The following SNX29 variants were observed in gnomAD, a reference collection of about 807,000 sequenced individuals.
SNX29 encodes the protein sorting nexin 29.
SNX29 carries 78 observed loss-of-function variants against 102.1 expected under a neutral mutation model. The ratio of observed to expected loss-of-function variants is 0.76; its 90% CI spans 0.64 to 0.92. The LOEUF is 0.92. SNX29 is among the 40% of genes least tolerant of loss of function. The pLI is 0.00. For missense variants in SNX29, 1,280 were observed against 1,061.7 expected (o/e 1.21, Z -2.86); for synonymous variants, 580 against 414.5 (o/e 1.40, Z -4.85).
intron 20 of SNX29, among the ~76,000 whole-genome samples, chr16:12,562,520 CTGG>C (rs1386892809): frequency 6.6e-6 from 1 of 152,180 alleles, no homozygotes; most frequent in East Asian, 1.9e-4. Flanking sequence ...AGTACACCTG[CTGG>C]TGAATGACAC....
At chr16:12,265,122 T>G (rs1166658880) in intron 14 of SNX29, among the ~76,000 whole-genome samples, 1 of 152,222 alleles carries the variant, frequency 6.6e-6, no homozygotes, top group East Asian at 1.9e-4. Flanking sequence ...TTTTTGGGTC[T>G]GTAGAGTGCA....
Position 12,343,039 on chromosome 16 carries a change from C to G in SNX29, c.1783-13124C>G, listed in dbSNP as rs373795439. On this transcript the variant is annotated intron_variant, in intron 15 of 20. Transcript: ENST00000566228. ...TTTGATGCTCATAAAATTTAATGTT[C>G]TTTCATTTACTGTCTTTCTCTTGAA... is the stretch of plus-strand genomic sequence containing the variant. Among the ~76,000 whole-genome samples the G allele has an allele frequency of 1.2e-4, 19 of 152,306 alleles. No homozygotes were observed. In the East Asian group the frequency reaches 1.9e-3, roughly 15 times the overall value.
rs2079178732 is a variant in SNX29, at chr16:12,571,129, G to A, written c.*2500G>A. 1 of 232,650 alleles carries A rather than the reference G, an allele frequency of 4.3e-6. No individual in the cohort carries two copies. The highest frequency in any genetic ancestry group is 8.5e-6 in the Non-Finnish European group (1 of 117,664). 14.4% of individuals were successfully genotyped at this position (232,650 alleles called of 1,614,324 possible). ...GGAATCCCATAGAATGTTCTGCAATGATTGGGTCCATCTTGCTGCTCAGAA... is the reference window on the plus strand; with the variant it reads ...GGAATCCCATAGAATGTTCTGCAATAATTGGGTCCATCTTGCTGCTCAGAA... On this transcript the variant is annotated 3_prime_UTR_variant, in exon 21 of 21. Coordinates refer to ENST00000566228, the MANE Select transcript of SNX29 (RefSeq NM_032167.5).
chr16:12,538,083 G>A (rs951443324), intron 20 of SNX29, among the ~76,000 whole-genome samples: 18 of 151,862 alleles, frequency 1.2e-4, no homozygotes, highest in African/African-American at 3.6e-4. Flanking sequence ...TTCTCAGTGG[G>A]CTAAGCAAAT....
Position 12,169,597 on chromosome 16 carries a change from C to T in SNX29, c.1596-30004C>T, listed in dbSNP as rs143369057. Among the ~76,000 whole-genome samples the T allele has an allele frequency of 1.8e-3, 273 of 152,266 alleles. 2 individuals carry two copies. The highest frequency in any genetic ancestry group is 6.2e-3 in the African/African-American group (258 of 41,570). On this transcript the variant is annotated intron_variant, in intron 13 of 20. Coordinates refer to ENST00000566228, the MANE Select transcript of SNX29 (RefSeq NM_032167.5). ...ATTCATGGCCAGGCGTTGTGGCTCACGCCTGTAATCCCAGCACTCTGGGAG... is the reference window on the plus strand; with the variant it reads ...ATTCATGGCCAGGCGTTGTGGCTCATGCCTGTAATCCCAGCACTCTGGGAG...
intron 15 of SNX29, among the ~76,000 whole-genome samples, chr16:12,325,705 C>T (rs1320965540): frequency 6.6e-6 from 1 of 152,032 alleles, no homozygotes; most frequent in African/African-American, 2.4e-5. Context: ...TAGATTTGCT[C>T]CTTATTTTAT....
intron 20 of SNX29, among the ~76,000 whole-genome samples, chr16:12,555,487 T>C (rs1410539652): frequency 6.6e-6 from 1 of 151,400 alleles, no homozygotes; most frequent in Non-Finnish European, 1.5e-5. Context: ...ACGTCTTTCG[T>C]TGTGGGGAGT....
intron 19 of SNX29, among the ~76,000 whole-genome samples, chr16:12,489,557 G>A (rs1288501036): frequency 6.6e-6 from 1 of 152,206 alleles, no homozygotes; most frequent in Non-Finnish European, 1.5e-5. Context: ...ATGGTGGTGA[G>A]CACACTGACA....
In SNX29 at chr16:12,567,029, ACTC is replaced by A. The variant is rs543841002; in HGVS notation, c.2319-1474_2319-1472del. The stretch of plus-strand genomic sequence containing the variant: ...AAAGTAGATCATTGTGAAGAGATTC[ACTC>A]CTGAGATACATGAAGATGCTAGGCT... On this transcript the variant is annotated intron_variant, in intron 20 of 20. Coordinates refer to ENST00000566228, the MANE Select transcript of SNX29 (RefSeq NM_032167.5). Among the ~76,000 whole-genome samples the A allele has an allele frequency of 2.2e-3, 330 of 152,290 alleles. 4 individuals are homozygous for A. Among genetic ancestry groups the A allele is most frequent in the Non-Finnish European group, 2.3e-3 (157 of 68,030 alleles).
At chr16:12,345,333 C>G (rs983406173) in intron 15 of SNX29, among the ~76,000 whole-genome samples, 3 of 152,184 alleles carry the variant, frequency 2.0e-5, no homozygotes, top group Admixed American at 2.0e-4. Context: ...CTGTGGGCCT[C>G]AGTTTCCTCC....
intron 14 of SNX29, among the ~76,000 whole-genome samples, chr16:12,229,959 T>C (rs1203450830): frequency 6.6e-6 from 1 of 152,330 alleles, no homozygotes; most frequent in South Asian, 2.1e-4. Flanking sequence ...ATAGTAAATA[T>C]TTTTGGCTTT....
At chr16:12,228,010 C>G (rs2077664459) in intron 14 of SNX29, among the ~76,000 whole-genome samples, 1 of 151,656 alleles carries the variant, frequency 6.6e-6, no homozygotes, top group Admixed American at 6.6e-5. Flanking sequence ...CTGGGCTGGC[C>G]CACGCCTGTA....
At chr16:12,008,973 C>T (rs937968902) in intron 3 of SNX29, among the ~76,000 whole-genome samples, 12 of 151,848 alleles carry the variant, frequency 7.9e-5, no homozygotes, top group African/African-American at 2.9e-4. Flanking sequence ...AACACCTGAC[C>T]TCAAGTGATC....
intron 19 of SNX29, among the ~76,000 whole-genome samples, chr16:12,493,165 G>A (rs1567619636): frequency 6.6e-6 from 1 of 152,196 alleles, no homozygotes; most frequent in African/African-American, 2.4e-5. Context: ...TACCCATGAG[G>A]ATGGAATGTT....
chr16:12,494,808 TG>T (rs1236083935), intron 19 of SNX29, among the ~76,000 whole-genome samples: 6 of 152,362 alleles, frequency 3.9e-5, no homozygotes, highest in Non-Finnish European at 7.3e-5. Flanking sequence ...CCTTTGATGC[TG>T]GCTCTTAGCT....
chr16:12,436,443 C>T (rs764531734), intron 18 of SNX29, among the ~76,000 whole-genome samples: 2 of 152,226 alleles, frequency 1.3e-5, no homozygotes, highest in Non-Finnish European at 2.9e-5. Context: ...GAGTGGCGCG[C>T]GAGCACCTGG....
chr16:12,509,962 G>A (rs2089539200), intron 19 of SNX29, among the ~76,000 whole-genome samples: 1 of 152,230 alleles, frequency 6.6e-6, no homozygotes, highest in Admixed American at 6.5e-5. Flanking sequence ...GAATATGTTG[G>A]GTGATTGCAT....
rs185480047 is a variant in SNX29, at chr16:12,574,191, T to G, written c.*5562T>G. 2 of 178,828 alleles carry G rather than the reference T, an allele frequency of 1.1e-5. No individual in the cohort carries two copies. Among genetic ancestry groups the G allele is most frequent in the Non-Finnish European group, 2.4e-5 (2 of 83,408 alleles). The allele number at this position is 178,828 out of a possible 1,614,324, so 11.1% of individuals were successfully genotyped here. A position where few individuals can be genotyped will look rare whatever the true frequency, so the allele number is the denominator to read the frequency against. On this transcript the variant is annotated 3_prime_UTR_variant, in exon 21 of 21. Transcript: ENST00000566228. The stretch of plus-strand genomic sequence containing the variant: ...AGATCTCTTGTATTAAAATTTTCTT[T>G]TGGAATAAGCTGTGGAAATTTTGTT...
chr16:12,543,995 G>T (rs186962180), intron 20 of SNX29, among the ~76,000 whole-genome samples: 4 of 152,152 alleles, frequency 2.6e-5, no homozygotes, highest in African/African-American at 9.7e-5. Context: ...CACACCATGG[G>T]TTAAATGCAA....
Sources: allele counts gnomAD v4.1 joint callset (sites outside exome capture counted in the v4.1 genomes callset), GRCh38; gene constraint gnomAD v4.1.1; transcripts MANE v1.5; gene names NCBI Gene and HGNC (gene_info 2026-07-23, HGNC 2026-07-21).